SP100: variants seen among roughly 807,000 people sequenced by gnomAD.
SP100 encodes the protein nuclear autoantigen Sp-100.
A neutral mutation model predicts 130.0 loss-of-function variants in SP100; 84 were observed. The ratio of observed to expected loss-of-function variants is 0.65; its 90% CI spans 0.54 to 0.77. The LOEUF is 0.77. Ranked by LOEUF, SP100 falls within the 30% of genes least tolerant of loss-of-function variation. The pLI is 0.00. For missense variants in SP100, 978 were observed against 1,052.2 expected (o/e 0.93, Z 0.97); for synonymous variants, 331 against 351.7 (o/e 0.94, Z 0.66).
chr2:230,467,266 CCTGATGCACTGTGCT>C (rs762030574), intron 13 of SP100, 51 bp downstream of exon 13: 50 of 1,268,180 alleles, frequency 3.9e-5, no homozygotes, highest in Non-Finnish European at 5.3e-5. Flanking sequence ...GCACCTCTTC[CCTGATGCACTGTGCT>C]CTGAGCACAC....
intron 16 of SP100, among the ~76,000 whole-genome samples, chr2:230,474,169 G>T (rs1031262148): frequency 6.6e-6 from 1 of 152,180 alleles, no homozygotes; most frequent in Non-Finnish European, 1.5e-5. Context: ...CATAAATGAG[G>T]AAATTGGTGC....
At chr2:230,540,741 C>A in intron 25 of SP100, 135 bp from the exon 26 acceptor site, 1 of 1,112,180 alleles carries the variant, frequency 9.0e-7, no homozygotes, top group Non-Finnish European at 1.3e-6. Flanking sequence ...GGCTCTAGTG[C>A]AGAGGCCTCC....
intron 2 of SP100, among the ~76,000 whole-genome samples, chr2:230,435,278 T>C (rs956920416): frequency 4.6e-5 from 7 of 152,224 alleles, no homozygotes; most frequent in Non-Finnish European, 7.3e-5. Context: ...ATTTTCATTT[T>C]CTCTTATTTA....
At chr2:230,455,626 T>A (rs1274729011) in intron 8 of SP100, among the ~76,000 whole-genome samples, 1 of 152,226 alleles carries the variant, frequency 6.6e-6, no homozygotes, top group Non-Finnish European at 1.5e-5. Flanking sequence ...CTTAATATAA[T>A]TACTGATAGG....
chr2:230,468,709 G>C (rs945257840), intron 13 of SP100: 2 of 174,528 alleles, frequency 1.1e-5, no homozygotes, highest in Non-Finnish European at 2.4e-5. Flanking sequence ...TCCCAGTGAT[G>C]TGGGAGGCTG....
intron 2 of SP100, among the ~76,000 whole-genome samples, chr2:230,428,676 T>G (rs1343490798): frequency 6.6e-6 from 1 of 152,096 alleles, no homozygotes; most frequent in Non-Finnish European, 1.5e-5. Context: ...TCTCCTGACC[T>G]CATGATCCAC....
intron 4 of SP100, among the ~76,000 whole-genome samples, chr2:230,444,625 C>T (rs914806101): frequency 1.3e-5 from 2 of 152,144 alleles, no homozygotes; most frequent in Non-Finnish European, 1.5e-5. Flanking sequence ...AAACAGAATC[C>T]CAACAGGGCA....
intron 2 of SP100, among the ~76,000 whole-genome samples, chr2:230,418,522 T>C (rs2062681127): frequency 6.6e-6 from 1 of 152,198 alleles, no homozygotes; most frequent in Non-Finnish European, 1.5e-5. Context: ...ACAGCTCCTC[T>C]AGCCAGGCTT....
intron 22 of SP100, among the ~76,000 whole-genome samples, chr2:230,507,663 A>G (rs1197077544): frequency 6.6e-6 from 1 of 152,158 alleles, no homozygotes; most frequent in African/African-American, 2.4e-5. Context: ...GTCTAAAAAG[A>G]TGAACAACTA....
At chr2:230,462,063 G>A (rs1387301524) in intron 9 of SP100, among the ~76,000 whole-genome samples, 2 of 151,946 alleles carry the variant, frequency 1.3e-5, no homozygotes, top group South Asian at 2.1e-4. Flanking sequence ...GAGATGGGGA[G>A]GGAAACACAT....
intron 24 of SP100, among the ~76,000 whole-genome samples, chr2:230,526,930 A>C (rs1691458196): frequency 6.6e-6 from 1 of 152,232 alleles, no homozygotes; most frequent in African/African-American, 2.4e-5. Flanking sequence ...CTATGTGAAA[A>C]GACCAAACCT....
chr2:230,468,971 A>G (rs989251302), intron 13 of SP100, 72 bp from the exon 14 acceptor site: 9 of 892,390 alleles, frequency 1.0e-5, no homozygotes, highest in African/African-American at 1.7e-5. Flanking sequence ...TTCTGTCAAC[A>G]GTGTAAGCAG....
intron 5 of SP100, among the ~76,000 whole-genome samples, chr2:230,447,529 C>T (rs1158253209): frequency 6.6e-6 from 1 of 152,210 alleles, no homozygotes; most frequent in Non-Finnish European, 1.5e-5. Context: ...GAGGTTCCCG[C>T]AAGCCCTTCA....
At position 230,484,445 on chromosome 2, in the gene SP100, G is replaced by A. The variant is rs529420988; in HGVS notation, c.1601-9971G>A. ...AAAAATCTATTGGTACTTTTAGTGGGATTGTGTTAAATTTATAAATAAACA... is the reference window on the plus strand; with the variant it reads ...AAAAATCTATTGGTACTTTTAGTGGAATTGTGTTAAATTTATAAATAAACA... On this transcript the variant is annotated intron_variant, in intron 17 of 28. Transcript: ENST00000340126. Among the ~76,000 whole-genome samples, 124 of 152,320 alleles carry A rather than the reference G, an allele frequency of 8.1e-4. 1 individual carries two copies. The highest frequency in any genetic ancestry group is 1.3e-3 in the East Asian group (7 of 5,194).
intron 2 of SP100, among the ~76,000 whole-genome samples, chr2:230,434,703 G>C (rs1300080772): frequency 1.3e-5 from 2 of 152,152 alleles, no homozygotes; most frequent in Admixed American, 1.3e-4. Context: ...GCCTCATTGA[G>C]AAGGTGATAG....
chr2:230,523,485 G>T (rs1691271533), intron 24 of SP100, among the ~76,000 whole-genome samples: 1 of 152,068 alleles, frequency 6.6e-6, no homozygotes, highest in Non-Finnish European at 1.5e-5. Context: ...TGGGCAACAT[G>T]GTGGAACCCC....
rs1403356725 is a variant in SP100 at position 230,449,687 on chromosome 2, G to A, written c.713G>A (p.Cys238Tyr). Residue 238 changes from cysteine to tyrosine, a missense_variant, in exon 7 of 29, where the codon TGT (cysteine) becomes TAT (tyrosine). Physicochemically the swap from Cys to Tyr is radical, Grantham distance 194. Transcript: ENST00000340126. ...GGAAGCCAACAAACAAATGAACAAT[G>A]TGCTCAAAAGGCTGAGCCAACAGGT... Reference protein sequence around the residue: ...SLGSQQTNEQCAQKAEPTESC... With the variant: ...SLGSQQTNEQYAQKAEPTESC... The A allele has an allele frequency of 8.1e-6, 13 of 1,614,156 alleles. No homozygotes were observed. In the South Asian group the frequency reaches 1.1e-4, roughly 14 times the overall value.
chr2:230,443,623 T>G (rs750217850), intron 3 of SP100, among the ~76,000 whole-genome samples: 1 of 152,224 alleles, frequency 6.6e-6, no homozygotes, highest in Non-Finnish European at 1.5e-5. Flanking sequence ...ATTTGTTTTC[T>G]TTTTCTTTCC....
At chr2:230,500,586 G>A (rs528121066) in intron 19 of SP100, among the ~76,000 whole-genome samples, 3 of 152,344 alleles carry the variant, frequency 2.0e-5, no homozygotes, top group East Asian at 1.9e-4. Context: ...TGGATCTCCA[G>A]TTTGACCACT....
Sources: gnomAD v4.1 joint callset for allele counts (sites outside exome capture counted in the v4.1 genomes callset) on GRCh38, gnomAD v4.1.1 for gene constraint, MANE v1.5 for transcripts, NCBI Gene and HGNC (gene_info 2026-07-23, HGNC 2026-07-21) for gene names.